The following OPHN1 variants were observed in gnomAD, a reference collection of about 807,000 sequenced individuals.
The protein encoded by OPHN1 is oligophrenin-1.
A neutral mutation model predicts 60.7 loss-of-function variants in OPHN1; 11 were observed. The observed-to-expected ratio is 0.18, with a 90% CI of 0.11 to 0.30. The LOEUF (loss-of-function observed/expected upper bound fraction) is 0.30, where lower values mean the gene tolerates loss of function less well. OPHN1 is among the 10% of genes least tolerant of loss of function. The pLI is 1.00. For synonymous variants in OPHN1, 226 were observed against 222.6 expected (o/e 1.02, Z -0.14); for missense variants, 449 against 611.0 (o/e 0.73, Z 2.80).
chrX:68,353,549 G>A (rs763640788), intron 2 of OPHN1, among the ~76,000 whole-genome samples: 1 of 109,863 alleles, frequency 9.1e-6, no homozygotes, highest in East Asian at 2.8e-4. Context: ...ATTCCAGCCT[G>A]GGCAACAAAA....
rs184273967 is a variant in OPHN1, at chrX:68,079,395, C to A, written c.1687-6096G>T. 4.5e-5 allele frequency among the ~76,000 whole-genome samples: 5 copies of A among 112,044 alleles called. No individual in the cohort carries two copies. In the East Asian group the frequency reaches 1.4e-3, roughly 31 times the overall value. On this transcript the variant is annotated intron_variant, in intron 19 of 24. Transcript: ENST00000355520. The stretch of plus-strand genomic sequence containing the variant: ...CCTCTGTAACTGTTTTTACAATGAT[C>A]ACCACTGGCCTGCTGATTGCTGACT...
intron 12 of OPHN1, among the ~76,000 whole-genome samples, chrX:68,195,049 AG>A (rs1389445522): frequency 2.5e-4 from 27 of 105,996 alleles, no homozygotes; most frequent in African/African-American, 4.6e-4. Context: ...GAAGGAAGGA[AG>A]GAAGGAAGGA....
At chrX:68,116,646 G>A (rs1221651632) in intron 16 of OPHN1, among the ~76,000 whole-genome samples, 1 of 111,442 alleles carries the variant, frequency 9.0e-6, no homozygotes, top group Admixed American at 9.5e-5. Flanking sequence ...GTATTCAATT[G>A]CCTGCTTAAT....
chrX:68,295,416 G>A (rs1223478756), intron 3 of OPHN1, among the ~76,000 whole-genome samples: 1 of 111,917 alleles, frequency 8.9e-6, no homozygotes, highest in East Asian at 2.8e-4. Flanking sequence ...TATCTGATTT[G>A]CTCCTCATGA....
chrX:68,238,218 T>C (rs1418415844), intron 5 of OPHN1, among the ~76,000 whole-genome samples: 3 of 111,602 alleles, frequency 2.7e-5, no homozygotes, highest in Non-Finnish European at 5.6e-5. Context: ...TAATCACCTA[T>C]GAATTTTTCC....
chrX:68,360,910 GACA>G (rs2078469355), intron 2 of OPHN1, among the ~76,000 whole-genome samples: 1 of 112,005 alleles, frequency 8.9e-6, no homozygotes, highest in South Asian at 3.7e-4. Context: ...TGAAATGAAT[GACA>G]ACAATATCAT....
At chrX:68,170,013 A>G (rs1189162169) in intron 15 of OPHN1, among the ~76,000 whole-genome samples, 1 of 109,213 alleles carries the variant, frequency 9.2e-6, no homozygotes, top group African/African-American at 3.4e-5. Flanking sequence ...AATGGGAGAA[A>G]ATTTTCACAA....
At chrX:68,219,476 C>T (rs903061832) in intron 6 of OPHN1, among the ~76,000 whole-genome samples, 5 of 108,511 alleles carry the variant, frequency 4.6e-5, no homozygotes, top group African/African-American at 1.7e-4. Flanking sequence ...ACAGAATATA[C>T]ATTTTTCTCA....
At chrX:68,189,074 T>C (rs1371703394) in intron 15 of OPHN1, among the ~76,000 whole-genome samples, 2 of 112,187 alleles carry the variant, frequency 1.8e-5, no homozygotes, top group African/African-American at 6.5e-5. Context: ...TTTAGATCCA[T>C]AGGCCTCTGG....
At position 68,311,552 on chromosome X, in the gene OPHN1, C is replaced by T. The variant is rs775890788; in HGVS notation, c.155-12456G>A. 3.8e-4 allele frequency among the ~76,000 whole-genome samples: 42 copies of T among 111,237 alleles called. No homozygotes were observed. The South Asian group carries it at 1.0e-2, about 26-fold the overall frequency. ...GGTTTAATCGATTCTCCTGCCTCAG[C>T]CTCCCGAGTAACTGGGATTATAAGC... On this transcript the variant is annotated intron_variant, in intron 2 of 24. Coordinates refer to ENST00000355520, the MANE Select transcript of OPHN1 (RefSeq NM_002547.3).
intron 4 of OPHN1, among the ~76,000 whole-genome samples, chrX:68,280,580 A>G (rs2078014964): frequency 8.9e-6 from 1 of 111,932 alleles, no homozygotes; most frequent in African/African-American, 3.2e-5. Flanking sequence ...TGGCTGTTGG[A>G]ATAAATAGCT....
intron 6 of OPHN1, among the ~76,000 whole-genome samples, chrX:68,220,330 A>G (rs931626443): frequency 9.1e-6 from 1 of 110,050 alleles, no homozygotes; most frequent in African/African-American, 3.3e-5. Context: ...AGATGGATTC[A>G]CAGCCGAATT....
At chrX:68,155,500 CTG>C (rs763900200) in intron 15 of OPHN1, among the ~76,000 whole-genome samples, 18 of 112,172 alleles carry the variant, frequency 1.6e-4, no homozygotes, top group South Asian at 7.5e-4. Context: ...TCCGCCATGA[CTG>C]TGAATTTCCT....
Position 68,271,657 on chromosome X carries a change from C to T in OPHN1, c.384+3081G>A, listed in dbSNP as rs751167974. 3.7e-4 allele frequency among the ~76,000 whole-genome samples: 41 copies of T among 111,750 alleles called. No homozygotes were observed. The South Asian group carries it at 0.015, about 41-fold the overall frequency. ...GGCAACTCACCAGATTACAAAAAAGCAGGCCAACAGTGACCAGCGGAGAAG... is the reference window on the plus strand; with the variant it reads ...GGCAACTCACCAGATTACAAAAAAGTAGGCCAACAGTGACCAGCGGAGAAG... On this transcript the variant is annotated intron_variant, in intron 5 of 24. Transcript: ENST00000355520.
At chrX:68,341,247 T>C (rs1258330694) in intron 2 of OPHN1, among the ~76,000 whole-genome samples, 1 of 108,465 alleles carries the variant, frequency 9.2e-6, no homozygotes, top group Non-Finnish European at 1.9e-5. Context: ...CACTGATGAA[T>C]CTTAAGATCA....
At chrX:68,400,790 C>G (rs907521097) in intron 2 of OPHN1, among the ~76,000 whole-genome samples, 6 of 109,132 alleles carry the variant, frequency 5.5e-5, no homozygotes, top group Non-Finnish European at 1.1e-4. Context: ...TTAGTAAAGA[C>G]AGGGTTTCGC....
chrX:68,401,133 A>G lies in OPHN1; in HGVS notation c.154+31734T>C, dbSNP rs1398222463. Among the ~76,000 whole-genome samples, 4 of 111,769 alleles carry G rather than the reference A, an allele frequency of 3.6e-5. No individual in the cohort carries two copies. The Admixed American group carries it at 3.8e-4, about 11-fold the overall frequency. ...CTTCAACATTGGGGATTACAATTCAACATGGGATTTGGGTGAGGACACAAA... is the reference window on the plus strand; with the variant it reads ...CTTCAACATTGGGGATTACAATTCAGCATGGGATTTGGGTGAGGACACAAA... On this transcript the variant is annotated intron_variant, in intron 2 of 24. Coordinates refer to ENST00000355520, the MANE Select transcript of OPHN1 (RefSeq NM_002547.3).
At chrX:68,084,914 G>T (rs1404740355) in intron 19 of OPHN1, among the ~76,000 whole-genome samples, 4 of 112,179 alleles carry the variant, frequency 3.6e-5, no homozygotes, top group Non-Finnish European at 7.5e-5. Flanking sequence ...TTCCTGTTGT[G>T]TGTCTTCTCT....
At chrX:68,348,536 C>CAA (rs751968651) in intron 2 of OPHN1, among the ~76,000 whole-genome samples, 95 of 103,481 alleles carry the variant, frequency 9.2e-4, no homozygotes, top group African/African-American at 2.7e-3. Flanking sequence ...TAGAATATGT[C>CAA]AAAAAAAAAA....
Sources: allele counts gnomAD v4.1 joint callset (sites outside exome capture counted in the v4.1 genomes callset), GRCh38; gene constraint gnomAD v4.1.1; transcripts MANE v1.5; gene names NCBI Gene and HGNC (gene_info 2026-07-23, HGNC 2026-07-21).